RSU1: variants seen among roughly 807,000 people sequenced by gnomAD.
RSU1 encodes the protein rsu-1.
Under a neutral mutation model 31.1 loss-of-function variants are expected in RSU1, and 26 were observed. That is an observed-to-expected ratio of 0.84 (90% CI 0.61 to 1.16). The LOEUF (loss-of-function observed/expected upper bound fraction) is 1.16. Ranked by LOEUF, RSU1 falls within the 50% of genes most tolerant of loss-of-function variation. The probability of loss-of-function intolerance (pLI) is 0.00; values close to 1 mark genes in which losing one functional copy is unlikely to be tolerated. For synonymous variants in RSU1, 164 were observed against 136.3 expected (o/e 1.20, Z -1.41); for missense variants, 320 against 339.1 (o/e 0.94, Z 0.44).
chr10:16,778,628 G>C (rs1408815898), intron 3 of RSU1, among the ~76,000 whole-genome samples: 2 of 152,196 alleles, frequency 1.3e-5, no homozygotes, highest in African/African-American at 2.4e-5. Context: ...GGGAGGAAAG[G>C]CTTCAGATGG....
intron 7 of RSU1, among the ~76,000 whole-genome samples, chr10:16,706,992 C>G (rs1211385035): frequency 6.6e-6 from 1 of 152,088 alleles, no homozygotes; most frequent in African/African-American, 2.4e-5. Flanking sequence ...TGAGTGGGAT[C>G]ATGTGTTATG....
At chr10:16,606,014 A>G (rs1430976976) in intron 8 of RSU1, among the ~76,000 whole-genome samples, 1 of 152,026 alleles carries the variant, frequency 6.6e-6, no homozygotes, top group Admixed American at 6.6e-5. Context: ...CAGCCTCCCA[A>G]GGTGCTGGGA....
At chr10:16,814,359 G>C (rs953273077) in intron 2 of RSU1, among the ~76,000 whole-genome samples, 1 of 150,358 alleles carries the variant, frequency 6.7e-6, no homozygotes, top group African/African-American at 2.4e-5. Flanking sequence ...GAGGTGGGAG[G>C]ATTGCTTGAG....
chr10:16,713,377 T>C (rs938453336), intron 7 of RSU1, among the ~76,000 whole-genome samples: 2 of 152,218 alleles, frequency 1.3e-5, no homozygotes, highest in Non-Finnish European at 2.9e-5. Flanking sequence ...TCCCACAGGC[T>C]TTCTTCAATT....
intron 7 of RSU1, among the ~76,000 whole-genome samples, chr10:16,724,043 T>C (rs73606820): frequency 0.15 from 22,170 of 152,036 alleles, 3,609 homozygotes; most frequent in African/African-American, 0.41. Context: ...CGGGTTCAAG[T>C]GATTCTCCTG....
intron 3 of RSU1, among the ~76,000 whole-genome samples, chr10:16,765,182 T>C (rs578048550): frequency 2.0e-5 from 3 of 152,304 alleles, no homozygotes; most frequent in African/African-American, 7.2e-5. Context: ...TCCGGGATGA[T>C]GTACATTGAA....
chr10:16,605,101 T>C (rs1341333269), intron 8 of RSU1, among the ~76,000 whole-genome samples: 6 of 152,140 alleles, frequency 3.9e-5, no homozygotes, highest in African/African-American at 1.4e-4. Context: ...GGATGATGTT[T>C]AGTGTAAAAT....
intron 2 of RSU1, among the ~76,000 whole-genome samples, chr10:16,795,920 G>T (rs7098479): frequency 6.6e-6 from 1 of 151,922 alleles, no homozygotes; most frequent in Non-Finnish European, 1.5e-5. Context: ...TCCATTCTCC[G>T]CTTGAGCAGC....
At chr10:16,779,308 C>T (rs1246282332) in intron 3 of RSU1, among the ~76,000 whole-genome samples, 1 of 152,142 alleles carries the variant, frequency 6.6e-6, no homozygotes, top group Non-Finnish European at 1.5e-5. Context: ...ATTTCTGCTC[C>T]CAGATTCTTG....
chr10:16,652,734 G>C (rs1328937725), intron 8 of RSU1, among the ~76,000 whole-genome samples: 1 of 152,116 alleles, frequency 6.6e-6, no homozygotes, highest in African/African-American at 2.4e-5. Flanking sequence ...CCAGGCTGGA[G>C]TGCAGTGGTG....
intron 7 of RSU1, among the ~76,000 whole-genome samples, chr10:16,706,699 C>T (rs987680892): frequency 1.2e-4 from 18 of 152,120 alleles, no homozygotes; most frequent in African/African-American, 4.3e-4. Flanking sequence ...TAGTATTCAT[C>T]ACCTCATGCA....
At chr10:16,708,905 T>C (rs573627331) in intron 7 of RSU1, among the ~76,000 whole-genome samples, 7 of 150,094 alleles carry the variant, frequency 4.7e-5, no homozygotes, top group South Asian at 4.3e-4. Flanking sequence ...GGTTAATATA[T>C]AGAAAGACTA....
At chr10:16,663,170 G>C (rs986668438) in intron 8 of RSU1, among the ~76,000 whole-genome samples, 13 of 152,234 alleles carry the variant, frequency 8.5e-5, no homozygotes, top group African/African-American at 2.4e-4. Context: ...GAGCCTGGCA[G>C]ACATGGTTAG....
chr10:16,690,433 A>T (rs1351050984), intron 8 of RSU1, among the ~76,000 whole-genome samples: 1 of 152,144 alleles, frequency 6.6e-6, no homozygotes, highest in Non-Finnish European at 1.5e-5. Flanking sequence ...CTGAGACATG[A>T]TGAAGGGGCC....
intron 8 of RSU1, among the ~76,000 whole-genome samples, chr10:16,642,931 T>A (rs1180377845): frequency 1.3e-5 from 2 of 152,202 alleles, no homozygotes; most frequent in East Asian, 3.8e-4. Flanking sequence ...AAACTACCAA[T>A]GCTTATAATT....
chr10:16,673,923 G>A (rs768114004), intron 8 of RSU1, among the ~76,000 whole-genome samples: 1 of 152,150 alleles, frequency 6.6e-6, no homozygotes, highest in South Asian at 2.1e-4. Context: ...TTATTTTCAA[G>A]CAATTACTAT....
At chr10:16,728,733 T>C (rs1162278089) in intron 7 of RSU1, among the ~76,000 whole-genome samples, 1 of 152,118 alleles carries the variant, frequency 6.6e-6, no homozygotes, top group Non-Finnish European at 1.5e-5. Context: ...GTGGTGCTTA[T>C]AAGAGGGATG....
chr10:16,671,032 C>G (rs1346262869), intron 8 of RSU1, among the ~76,000 whole-genome samples: 5 of 152,216 alleles, frequency 3.3e-5, no homozygotes, highest in Non-Finnish European at 7.3e-5. Flanking sequence ...TCCCAAAATA[C>G]TGGGATTACA....
chr10:16,758,762 C>T (rs1335828198), intron 4 of RSU1, among the ~76,000 whole-genome samples: 2 of 152,152 alleles, frequency 1.3e-5, no homozygotes, highest in Non-Finnish European at 2.9e-5. Flanking sequence ...TTTGATTTAG[C>T]CCTAAGCGAG....
Sources: gnomAD v4.1 joint callset for allele counts (sites outside exome capture counted in the v4.1 genomes callset) on GRCh38, gnomAD v4.1.1 for gene constraint, MANE v1.5 for transcripts, NCBI Gene and HGNC (gene_info 2026-07-23, HGNC 2026-07-21) for gene names.